The following TACR3 variants were observed in gnomAD, a reference collection of about 807,000 sequenced individuals.
TACR3 encodes tachykinin receptor 3.
In TACR3, 34 loss-of-function variants were observed where a neutral mutation model predicts 35.0. The ratio of observed to expected loss-of-function variants is 0.97; its 90% confidence interval spans 0.74 to 1.30. TACR3 has a LOEUF of 1.30. Ranked by LOEUF, TACR3 falls within the 50% of genes most tolerant of loss-of-function variation. The probability of loss-of-function intolerance (pLI) is 0.00; values close to 1 mark genes in which losing one functional copy is unlikely to be tolerated. For synonymous variants in TACR3, 233 were observed against 221.1 expected (o/e 1.05, Z -0.48); for missense variants, 558 against 591.7 (o/e 0.94, Z 0.59).
At chr4:103,631,565 A>G (rs181433224) in intron 3 of TACR3, among the ~76,000 whole-genome samples, 41 of 152,306 alleles carry the variant, frequency 2.7e-4, no homozygotes, top group African/African-American at 7.5e-4. Context: ...GGGAATTAAT[A>G]TAGTCCTGAA....
At position 103,719,774 on chromosome 4, in the gene TACR3, C is replaced by T. The variant is rs200860056; in HGVS notation, c.-99G>A. On this transcript the variant is annotated 5_prime_UTR_variant, in exon 1 of 5. Coordinates refer to ENST00000304883, the MANE Select transcript of TACR3 (RefSeq NM_001059.3). The stretch of plus-strand genomic sequence containing the variant: ...TCTCTGCCTCCTGGTCACTTTGGTG[C>T]CGGAGTCTTCAGATAAGACTGGAAG... 18 of 1,476,560 alleles carry T rather than the reference C, an allele frequency of 1.2e-5. No homozygotes were observed. In the Admixed American group the frequency reaches 3.0e-4, roughly 24 times the overall value. 91.5% of individuals were successfully genotyped at this position (1,476,560 alleles called of 1,614,324 possible).
chr4:103,684,823 C>CA (rs1379749080), intron 1 of TACR3, among the ~76,000 whole-genome samples: 1 of 151,470 alleles, frequency 6.6e-6, no homozygotes, highest in Non-Finnish European at 1.5e-5. Flanking sequence ...GCCAACATAG[C>CA]AAAAAACCTG....
At chr4:103,702,063 A>T (rs1313572227) in intron 1 of TACR3, among the ~76,000 whole-genome samples, 1 of 152,212 alleles carries the variant, frequency 6.6e-6, no homozygotes, top group Non-Finnish European at 1.5e-5. Flanking sequence ...ATCTAATTAA[A>T]CTAAAGAGCT....
chr4:103,614,884 GTTT>G lies in TACR3; in HGVS notation c.889-23204_889-23202del, dbSNP rs71580414. 6.7e-3 allele frequency among the ~76,000 whole-genome samples: 483 copies of G among 72,030 alleles called. 9 individuals carry two copies. Among genetic ancestry groups the G allele is most frequent in the African/African-American group, 0.027 (450 of 16,610 alleles). 47.3% of individuals were successfully genotyped at this position (72,030 alleles called of 152,430 possible). A position where few individuals can be genotyped will look rare whatever the true frequency, so the allele number is the denominator to read the frequency against. On this transcript the variant is annotated intron_variant, in intron 3 of 4. Coordinates refer to ENST00000304883, the MANE Select transcript of TACR3 (RefSeq NM_001059.3). ...TATAACCTAAGTTGATTATGAATGT[GTTT>G]TTTTTTTTTTTTTTTTTTTTTTTTT...
intron 3 of TACR3, among the ~76,000 whole-genome samples, chr4:103,653,250 T>C (rs1047203120): frequency 6.6e-6 from 1 of 152,040 alleles, no homozygotes; most frequent in Admixed American, 6.6e-5. Flanking sequence ...TTTGAAACTG[T>C]GGAGTAATGA....
intron 3 of TACR3, among the ~76,000 whole-genome samples, chr4:103,594,851 C>T (rs1001553511): frequency 3.3e-5 from 5 of 151,726 alleles, no homozygotes; most frequent in African/African-American, 7.2e-5. Flanking sequence ...GCTTAAAATA[C>T]TCTACAGAAA....
intron 3 of TACR3, among the ~76,000 whole-genome samples, chr4:103,600,954 T>G (rs891260854): frequency 3.3e-5 from 5 of 152,188 alleles, no homozygotes; most frequent in African/African-American, 1.2e-4. Flanking sequence ...GGGGTGGAGA[T>G]TTCTGTAGGT....
intron 3 of TACR3, among the ~76,000 whole-genome samples, chr4:103,612,358 T>C (rs1034125230): frequency 1.3e-5 from 2 of 152,314 alleles, no homozygotes; most frequent in East Asian, 3.9e-4. Flanking sequence ...CAACAGTCAT[T>C]TCCTACCACC....
intron 3 of TACR3, among the ~76,000 whole-genome samples, chr4:103,612,257 A>T (rs1285058753): frequency 6.6e-6 from 1 of 152,084 alleles, no homozygotes; most frequent in Non-Finnish European, 1.5e-5. Context: ...GGCATTGCTT[A>T]TGTTGTCTTT....
intron 3 of TACR3, among the ~76,000 whole-genome samples, chr4:103,613,439 C>T (rs553581788): frequency 5.9e-5 from 9 of 152,184 alleles, no homozygotes; most frequent in African/African-American, 2.2e-4. Context: ...CCTGCCTCAA[C>T]TTCCCGAGTA....
At chr4:103,603,245 A>T (rs1459276387) in intron 3 of TACR3, among the ~76,000 whole-genome samples, 2 of 152,206 alleles carry the variant, frequency 1.3e-5, no homozygotes, top group African/African-American at 4.8e-5. Context: ...CCCATTGGAA[A>T]AGCGAAATAT....
intron 3 of TACR3, among the ~76,000 whole-genome samples, chr4:103,615,961 T>C (rs1224912675): frequency 1.3e-5 from 2 of 152,180 alleles, no homozygotes; most frequent in African/African-American, 4.8e-5. Flanking sequence ...AAGAGTAATA[T>C]CCTCTGCTTT....
chr4:103,691,710 G>C (rs1294980928), intron 1 of TACR3, among the ~76,000 whole-genome samples: 1 of 152,148 alleles, frequency 6.6e-6, no homozygotes, highest in African/African-American at 2.4e-5. Flanking sequence ...GGGAATGAGG[G>C]CAAGGAACAC....
intron 1 of TACR3, among the ~76,000 whole-genome samples, chr4:103,690,950 A>G (rs927620461): frequency 6.6e-6 from 1 of 152,234 alleles, no homozygotes; most frequent in African/African-American, 2.4e-5. Flanking sequence ...TATAATGTCA[A>G]CTAAAAAATA....
intron 3 of TACR3, among the ~76,000 whole-genome samples, chr4:103,643,642 T>C (rs1052823095): frequency 2.6e-5 from 4 of 151,806 alleles, no homozygotes; most frequent in Middle Eastern, 3.2e-3. Flanking sequence ...CAGGCCTCAC[T>C]TCCAGGATTT....
At chr4:103,664,732 G>C (rs1468989434) in intron 1 of TACR3, among the ~76,000 whole-genome samples, 1 of 152,120 alleles carries the variant, frequency 6.6e-6, no homozygotes, top group Non-Finnish European at 1.5e-5. Flanking sequence ...AATCATTTGA[G>C]AGATACATGA....
At chr4:103,657,159 G>A (rs968034024) in intron 2 of TACR3, among the ~76,000 whole-genome samples, 1 of 152,032 alleles carries the variant, frequency 6.6e-6, no homozygotes, top group African/African-American at 2.4e-5. Context: ...GGATTTCACT[G>A]TCTTGGAAAG....
chr4:103,705,349 T>C (rs564042057), intron 1 of TACR3, among the ~76,000 whole-genome samples: 9 of 152,254 alleles, frequency 5.9e-5, no homozygotes, highest in Admixed American at 5.9e-4. Context: ...TAAAAAGTGG[T>C]ATTTCATGGC....
Position 103,586,219 on chromosome 4 carries a change from A to G in TACR3, c.*3463T>C, listed in dbSNP as rs1232447872. ...TTATATAAACAGATTTTTCATATAT[A>G]TATATATATGTATGAAAACACAAAA... is the stretch of plus-strand genomic sequence containing the variant. On this transcript the variant is annotated 3_prime_UTR_variant, in exon 5 of 5. Coordinates refer to ENST00000304883, the MANE Select transcript of TACR3 (RefSeq NM_001059.3). 1 of 151,772 alleles carries G rather than the reference A, an allele frequency of 6.6e-6. No individual in the cohort carries two copies. Among genetic ancestry groups the G allele is most frequent in the African/African-American group, 2.4e-5 (1 of 41,322 alleles). The allele number at this position is 151,772 out of a possible 1,614,324, so 9.4% of individuals were successfully genotyped here. A position where few individuals can be genotyped will look rare whatever the true frequency, so the allele number is the denominator to read the frequency against.
Sources: allele counts gnomAD v4.1 joint callset (sites outside exome capture counted in the v4.1 genomes callset), GRCh38; gene constraint gnomAD v4.1.1; transcripts MANE v1.5; gene names NCBI Gene and HGNC (gene_info 2026-07-23, HGNC 2026-07-21).